GNG12: variants seen among roughly 807,000 people sequenced by gnomAD.
GNG12 encodes G protein subunit gamma 12, also known as guanine nucleotide-binding protein G(I)/G(S)/G(O) subunit gamma-12.
For synonymous variants in GNG12, 28 were observed against 29.7 expected (o/e 0.94, Z 0.19); for missense variants, 69 against 83.8 (o/e 0.82, Z 0.69).
At position 67,833,346 on chromosome 1, in the gene GNG12, G is replaced by A. The variant is rs1467900092; in HGVS notation, c.-79C>T. ...CGCGCCCGCCGCTTGGTACTCACCC[G>A]CCTGCCGGTGCGCTGCCCCGCCGTC... On this transcript the variant is annotated splice_region_variant and 5_prime_UTR_variant, in exon 1 of 4. Transcript: ENST00000370982. The A allele has an allele frequency of 5.1e-6, 5 of 979,916 alleles. No individual in the cohort carries two copies. The highest frequency in any genetic ancestry group is 6.1e-6 in the Non-Finnish European group (5 of 824,880). 60.7% of individuals were successfully genotyped at this position (979,916 alleles called of 1,614,324 possible). A position where few individuals can be genotyped will look rare whatever the true frequency, so the allele number is the denominator to read the frequency against.
intron 1 of GNG12, among the ~76,000 whole-genome samples, chr1:67,825,640 T>C (rs1267189879): frequency 2.0e-5 from 3 of 152,216 alleles, no homozygotes; most frequent in Admixed American, 2.0e-4. Context: ...AGAAGCCTTT[T>C]TCCAGAAGCA....
chr1:67,723,077 G>A (rs953538569), intron 2 of GNG12, among the ~76,000 whole-genome samples: 2 of 152,190 alleles, frequency 1.3e-5, no homozygotes, highest in Non-Finnish European at 2.9e-5. Flanking sequence ...AGGAGTTAGT[G>A]CATGAGATTT....
rs514441 is a variant in GNG12, at chr1:67,755,373, T to C, written c.-27+22085A>G. 7.3e-3 allele frequency among the ~76,000 whole-genome samples: 1,111 copies of C among 152,334 alleles called. 20 individuals are homozygous for C. The highest frequency in any genetic ancestry group is 0.026 in the African/African-American group (1,072 of 41,568). On this transcript the variant is annotated intron_variant, in intron 2 of 3. Transcript: ENST00000370982. The stretch of plus-strand genomic sequence containing the variant: ...TGGGCACTTTTCACTTCCTATTTTG[T>C]CTTAGAGGTACTTATTAGGTACAAA...
At chr1:67,717,971 A>G (rs916734555) in intron 2 of GNG12, among the ~76,000 whole-genome samples, 1 of 152,210 alleles carries the variant, frequency 6.6e-6, no homozygotes, top group Non-Finnish European at 1.5e-5. Flanking sequence ...TACCTTAAAG[A>G]GTTGTTACAG....
chr1:67,750,518 A>G (rs1366108190), intron 2 of GNG12, among the ~76,000 whole-genome samples: 9 of 152,194 alleles, frequency 5.9e-5, no homozygotes, highest in African/African-American at 2.2e-4. Context: ...TGCTCATCAC[A>G]GCGTAATTCA....
At chr1:67,714,145 A>G (rs1232263953) in intron 2 of GNG12, among the ~76,000 whole-genome samples, 3 of 152,198 alleles carry the variant, frequency 2.0e-5, no homozygotes, top group African/African-American at 4.8e-5. Flanking sequence ...TCAACGTTTG[A>G]AAAATGGAGA....
intron 1 of GNG12, among the ~76,000 whole-genome samples, chr1:67,803,168 TC>T (rs1318025819): frequency 6.6e-6 from 1 of 152,118 alleles, no homozygotes; most frequent in African/African-American, 2.4e-5. Flanking sequence ...CAATCCTACA[TC>T]CCCAAAATTT....
intron 1 of GNG12, among the ~76,000 whole-genome samples, chr1:67,824,677 A>T (rs568947735): frequency 2.0e-5 from 3 of 152,194 alleles, no homozygotes; most frequent in African/African-American, 7.2e-5. Context: ...ATTTTCCCAG[A>T]AGTGTGAAGA....
intron 1 of GNG12, among the ~76,000 whole-genome samples, chr1:67,785,380 T>A (rs1476626309): frequency 6.6e-6 from 1 of 152,174 alleles, no homozygotes; most frequent in East Asian, 1.9e-4. Flanking sequence ...AAATACCACT[T>A]CTTCTCCCAA....
intron 2 of GNG12, among the ~76,000 whole-genome samples, chr1:67,727,000 A>G (rs762247973): frequency 6.6e-6 from 1 of 152,226 alleles, no homozygotes; most frequent in Non-Finnish European, 1.5e-5. Flanking sequence ...AAGCTTTGGA[A>G]AGAAAGAAGT....
chr1:67,725,390 A>T (rs149541286), intron 2 of GNG12, among the ~76,000 whole-genome samples: 9 of 152,332 alleles, frequency 5.9e-5, no homozygotes, highest in Non-Finnish European at 8.8e-5. Context: ...TGTCTGTCAA[A>T]CATGTCTGTA....
intron 2 of GNG12, among the ~76,000 whole-genome samples, chr1:67,768,154 C>T (rs1452840612): frequency 6.6e-6 from 1 of 152,222 alleles, no homozygotes; most frequent in South Asian, 2.1e-4. Context: ...GTGAACCACA[C>T]ATAGTCTAAA....
chr1:67,707,522 A>G (rs1646256568), intron 3 of GNG12, 72 bp downstream of exon 3: 1 of 831,646 alleles, frequency 1.2e-6, no homozygotes, highest in Non-Finnish European at 2.0e-6. Context: ...ATCTTCTCTG[A>G]CAAGTGGTCC....
intron 1 of GNG12, among the ~76,000 whole-genome samples, chr1:67,816,157 A>G (rs1646951933): frequency 6.6e-6 from 1 of 152,184 alleles, no homozygotes; most frequent in African/African-American, 2.4e-5. Context: ...CTAATGAAAG[A>G]AAAAGATAAT....
intron 2 of GNG12, among the ~76,000 whole-genome samples, chr1:67,730,091 A>G (rs1462471652): frequency 3.9e-5 from 6 of 152,252 alleles, no homozygotes; most frequent in Admixed American, 3.9e-4. Flanking sequence ...TGAGAACACA[A>G]TGAGTCACTC....
intron 2 of GNG12, among the ~76,000 whole-genome samples, chr1:67,715,688 C>T (rs562817209): frequency 3.3e-5 from 5 of 152,244 alleles, no homozygotes; most frequent in South Asian, 2.1e-4. Context: ...GGGACTGTAT[C>T]GTGGGCCTGC....
At chr1:67,742,101 T>G (rs1027784098) in intron 2 of GNG12, among the ~76,000 whole-genome samples, 12 of 152,184 alleles carry the variant, frequency 7.9e-5, no homozygotes, top group Admixed American at 3.9e-4. Flanking sequence ...GAGACTGAAT[T>G]TTGGTTCTTC....
intron 1 of GNG12, among the ~76,000 whole-genome samples, chr1:67,784,558 G>C (rs1426870943): frequency 6.6e-6 from 1 of 151,638 alleles, no homozygotes; most frequent in Non-Finnish European, 1.5e-5. Context: ...AGATCATTAG[G>C]ATCAACATTT....
At chr1:67,724,486 TTCAAGTGATTC>T (rs1247890821) in intron 2 of GNG12, among the ~76,000 whole-genome samples, 1 of 152,152 alleles carries the variant, frequency 6.6e-6, no homozygotes, top group African/African-American at 2.4e-5. Context: ...GCTTCCCAGG[TTCAAGTGATTC>T]TCCTGCCTCA....
Sources: gnomAD v4.1 joint callset for allele counts (sites outside exome capture counted in the v4.1 genomes callset) on GRCh38, gnomAD v4.1.1 for gene constraint, MANE v1.5 for transcripts, NCBI Gene and HGNC (gene_info 2026-07-23, HGNC 2026-07-21) for gene names.